CNTNAP5: variants seen among roughly 807,000 people sequenced by gnomAD.
The protein encoded by CNTNAP5 is contactin-associated protein-like 5.
A neutral mutation model predicts 150.2 loss-of-function variants in CNTNAP5; 72 were observed. The ratio of observed to expected loss-of-function variants is 0.48; its 90% CI spans 0.40 to 0.58. The LOEUF (loss-of-function observed/expected upper bound fraction) is 0.58. CNTNAP5 is among the 20% of genes least tolerant of loss of function. The pLI, the probability that CNTNAP5 is intolerant of heterozygous loss-of-function variation, is 0.00. For missense variants in CNTNAP5, 1,636 were observed against 1,626.2 expected, an observed-to-expected ratio of 1.01 and a Z score of -0.10; for synonymous variants, 672 against 619.8, an observed-to-expected ratio of 1.08 and a Z score of -1.25.
intron 3 of CNTNAP5, among the ~76,000 whole-genome samples, chr2:124,401,936 AC>A (rs1033909076): frequency 1.7e-4 from 26 of 152,086 alleles, no homozygotes; most frequent in African/African-American, 5.8e-4. Flanking sequence ...GGAAGACATT[AC>A]CCCCTGCAAC....
intron 11 of CNTNAP5, among the ~76,000 whole-genome samples, chr2:124,584,271 C>G (rs906130208): frequency 3.3e-5 from 5 of 152,200 alleles, no homozygotes; most frequent in East Asian, 3.8e-4. Flanking sequence ...AAATTCATCT[C>G]TAGCCCAGAG....
At position 124,705,277 on chromosome 2, in the gene CNTNAP5, C is replaced by T. The variant is rs1463300538; in HGVS notation, c.2078-41952C>T. Among the ~76,000 whole-genome samples, 4 of 152,170 alleles carry T rather than the reference C, an allele frequency of 2.6e-5. No individual in the cohort carries two copies. In the East Asian group the frequency reaches 7.8e-4, roughly 30 times the overall value. On this transcript the variant is annotated intron_variant, in intron 13 of 23. Coordinates refer to ENST00000682447, the MANE Select transcript of CNTNAP5 (RefSeq NM_001367498.1). The stretch of plus-strand genomic sequence containing the variant: ...GTGAGGTGGCTCACACCTGTAATCC[C>T]AGCACTTTGGGAGGCCGAGGCAGGG...
intron 6 of CNTNAP5, among the ~76,000 whole-genome samples, chr2:124,462,592 T>C (rs1436251126): frequency 6.6e-6 from 1 of 152,154 alleles, no homozygotes; most frequent in Admixed American, 6.5e-5. Context: ...CTAGTAGGTT[T>C]TAATTAGTGT....
intron 1 of CNTNAP5, among the ~76,000 whole-genome samples, chr2:124,054,366 A>G (rs982720064): frequency 1.3e-5 from 2 of 152,138 alleles, no homozygotes; most frequent in Non-Finnish European, 2.9e-5. Context: ...TGTATTTTTT[A>G]AAAATTAGAG....
chr2:124,655,679 C>G (rs1343918623), intron 13 of CNTNAP5, among the ~76,000 whole-genome samples: 1 of 151,720 alleles, frequency 6.6e-6, no homozygotes, highest in Non-Finnish European at 1.5e-5. Context: ...GGGAGGATGG[C>G]TTGAGAACAG....
chr2:124,260,598 A>C lies in CNTNAP5; in HGVS notation c.381+18205A>C, dbSNP rs531902097. Among the ~76,000 whole-genome samples the C allele has an allele frequency of 1.2e-4, 18 of 152,348 alleles. No homozygotes were observed. The East Asian group carries it at 2.7e-3, about 23-fold the overall frequency. ...AATAGGCAACCTACAGAAGGGGAGAAAATTTTTGCAATCTACTCATTTGAC... is the reference window on the plus strand; with the variant it reads ...AATAGGCAACCTACAGAAGGGGAGACAATTTTTGCAATCTACTCATTTGAC... On this transcript the variant is annotated intron_variant, in intron 3 of 23. Coordinates refer to ENST00000682447, the MANE Select transcript of CNTNAP5 (RefSeq NM_001367498.1).
At chr2:124,836,655 T>A (rs1389710267) in intron 19 of CNTNAP5, among the ~76,000 whole-genome samples, 2 of 152,100 alleles carry the variant, frequency 1.3e-5, no homozygotes, top group East Asian at 3.9e-4. Flanking sequence ...GTGTGCTGTA[T>A]CTGTAATAGG....
intron 13 of CNTNAP5, among the ~76,000 whole-genome samples, chr2:124,658,037 C>G (rs188273186): frequency 4.5e-4 from 68 of 152,258 alleles, no homozygotes; most frequent in Middle Eastern, 3.4e-3. Context: ...TCTTTATTCC[C>G]AAAATGCTTA....
At chr2:124,167,684 CTGAGCTG>C (rs1684839149) in intron 1 of CNTNAP5, among the ~76,000 whole-genome samples, 1 of 152,178 alleles carries the variant, frequency 6.6e-6, no homozygotes, top group Admixed American at 6.5e-5. Context: ...TTAAGGACAG[CTGAGCTG>C]CTTCCTGCAG....
chr2:124,846,858 G>A (rs10168614), intron 19 of CNTNAP5, among the ~76,000 whole-genome samples: 7,670 of 152,198 alleles, frequency 0.05, 561 homozygotes, highest in African/African-American at 0.16. Flanking sequence ...GTCTAGCCAC[G>A]CAGTAGAGCT....
intron 3 of CNTNAP5, among the ~76,000 whole-genome samples, chr2:124,403,993 T>C (rs1028004253): frequency 6.6e-6 from 1 of 152,122 alleles, no homozygotes; most frequent in African/African-American, 2.4e-5. Flanking sequence ...TTCAATCACC[T>C]CCCACTGGGT....
chr2:124,522,217 G>A (rs1406034015), intron 8 of CNTNAP5, among the ~76,000 whole-genome samples: 2 of 152,204 alleles, frequency 1.3e-5, no homozygotes, highest in African/African-American at 4.8e-5. Flanking sequence ...GCACACCTCT[G>A]TGGTGATCCT....
At chr2:124,570,380 G>C (rs1696124256) in intron 11 of CNTNAP5, among the ~76,000 whole-genome samples, 1 of 152,110 alleles carries the variant, frequency 6.6e-6, no homozygotes, top group African/African-American at 2.4e-5. Context: ...AAGGCAAAGT[G>C]ACACGAATGT....
At chr2:124,459,279 G>C (rs545346005) in intron 6 of CNTNAP5, among the ~76,000 whole-genome samples, 6 of 152,308 alleles carry the variant, frequency 3.9e-5, no homozygotes, top group African/African-American at 1.2e-4. Context: ...CTCGAAATGT[G>C]AGAAGGTGAA....
At chr2:124,195,144 A>G (rs533203132) in intron 1 of CNTNAP5, among the ~76,000 whole-genome samples, 1 of 152,326 alleles carries the variant, frequency 6.6e-6, no homozygotes, top group Non-Finnish European at 1.5e-5. Flanking sequence ...GAATTCACTG[A>G]ACATTTATTA....
chr2:124,864,449 C>T (rs1677587298), intron 19 of CNTNAP5, among the ~76,000 whole-genome samples: 1 of 151,184 alleles, frequency 6.6e-6, no homozygotes, highest in South Asian at 2.1e-4. Flanking sequence ...AACACTAGAA[C>T]TTATTCCTCC....
At chr2:124,504,686 A>C in intron 8 of CNTNAP5, 130 bp downstream of exon 8, 1 of 759,446 alleles carries the variant, frequency 1.3e-6, no homozygotes, top group East Asian at 2.8e-5. Context: ...AATGTACTCC[A>C]AGTCTGAAGA....
chr2:124,136,183 T>C (rs1385592739), intron 1 of CNTNAP5, among the ~76,000 whole-genome samples: 1 of 152,220 alleles, frequency 6.6e-6, no homozygotes, highest in African/African-American at 2.4e-5. Context: ...AGTCTATGTC[T>C]TTTCCAATGT....
Position 124,417,507 on chromosome 2 carries a change from C to A in CNTNAP5, c.446C>A (p.Ala149Asp). 1 of 1,613,800 alleles carries A rather than the reference C, an allele frequency of 6.2e-7. No individual in the cohort carries two copies. The highest frequency in any genetic ancestry group is 2.2e-5 in the East Asian group (1 of 44,852). Residue 149 changes from alanine (A) to aspartate (D), a missense_variant, in exon 4 of 24, where the codon GCC (alanine) becomes GAC (aspartate). Ala to Asp is a moderately radical substitution (Grantham distance 126). Transcript: ENST00000682447. ...CACAAGCTATTGCACTCAGTGAGAG[C>A]CCGATTTGTTCGCTTTGTGCCCCTG... ...VHHKLLHSVR[A>D]RFVRFVPLEW...
Sources: allele counts gnomAD v4.1 joint callset (sites outside exome capture counted in the v4.1 genomes callset), GRCh38; gene constraint gnomAD v4.1.1; transcripts MANE v1.5; gene names NCBI Gene and HGNC (gene_info 2026-07-23, HGNC 2026-07-21).